Variants in FAM193A observed in about 807,000 individuals in gnomAD.
FAM193A encodes the protein family with sequence similarity 193 member A.
In FAM193A, 22 loss-of-function variants were observed where a neutral mutation model predicts 126.5. The ratio of observed to expected loss-of-function variants is 0.17; its 90% CI spans 0.12 to 0.25. FAM193A has a LOEUF of 0.25. Ranked by LOEUF, FAM193A falls within the 10% of genes least tolerant of loss-of-function variation. FAM193A has a pLI of 1.00. For missense variants in FAM193A, 1,675 were observed against 1,672.8 expected (o/e 1.00, Z -0.02); for synonymous variants, 761 against 646.8 (o/e 1.18, Z -2.68).
Position 2,672,367 on chromosome 4 carries a change from A to C in FAM193A, c.2326A>C (p.Ser776Arg). The change falls in exon 13 of 21, where the codon AGT becomes CGT. Residue 776 changes from serine to arginine, a missense_variant. Transcript: ENST00000637812. Reference protein sequence around the residue: ...TLYATPPFTHSKALPPAPVQN... With the variant: ...TLYATPPFTHRKALPPAPVQN... ...GTATGCAACGCCCCCCTTCACACAC[A>C]GTAAGGTAAGTCAGGGCAAAAAGGG... is the stretch of plus-strand genomic sequence containing the variant. The C allele has an allele frequency of 6.2e-7, 1 of 1,614,062 alleles. No homozygotes were observed. The highest frequency in any genetic ancestry group is 1.3e-5 in the African/African-American group (1 of 75,044).
intron 2 of FAM193A, among the ~76,000 whole-genome samples, chr4:2,597,575 C>T (rs1740937277): frequency 6.6e-6 from 1 of 152,140 alleles, no homozygotes; most frequent in Non-Finnish European, 1.5e-5. Context: ...TCTCATTTCC[C>T]AGCCCCCGGC....
intron 1 of FAM193A, among the ~76,000 whole-genome samples, chr4:2,562,369 T>G (rs1330401985): frequency 6.6e-6 from 1 of 152,100 alleles, no homozygotes; most frequent in East Asian, 1.9e-4. Context: ...GAAGGATCGC[T>G]TGAGCTTCGG....
intron 18 of FAM193A, among the ~76,000 whole-genome samples, chr4:2,699,353 A>C (rs1032313987): frequency 2.0e-5 from 3 of 148,564 alleles, no homozygotes; most frequent in African/African-American, 7.4e-5. Flanking sequence ...GACTCCCTGG[A>C]TGTGTGCTTT....
At chr4:2,671,165 C>G (rs551974211) in intron 12 of FAM193A, among the ~76,000 whole-genome samples, 3 of 152,332 alleles carry the variant, frequency 2.0e-5, no homozygotes, top group East Asian at 1.9e-4. Context: ...TCCTCCAGCC[C>G]GTGAGGTGTC....
intron 20 of FAM193A, among the ~76,000 whole-genome samples, chr4:2,728,238 A>T (rs1305782149): frequency 1.3e-4 from 11 of 82,066 alleles, no homozygotes; most frequent in Admixed American, 3.4e-4. Flanking sequence ...ACCCGGCCCA[A>T]TTTTTTTTTT....
intron 10 of FAM193A, among the ~76,000 whole-genome samples, chr4:2,661,683 C>T (rs1463360837): frequency 2.6e-5 from 4 of 152,166 alleles, no homozygotes; most frequent in African/African-American, 9.7e-5. Context: ...ACACTCTTCA[C>T]TCATTCTAGG....
intron 13 of FAM193A, among the ~76,000 whole-genome samples, 174 bp from the exon 14 acceptor site, chr4:2,689,332 A>G (rs879781813): frequency 6.6e-6 from 1 of 152,214 alleles, no homozygotes; most frequent in African/African-American, 2.4e-5. Flanking sequence ...TGTCGTGTAC[A>G]GTCTCATAAA....
upstream of FAM193A, among the ~76,000 whole-genome samples, chr4:2,535,869 C>A (rs1736846606): frequency 6.6e-6 from 1 of 152,126 alleles, no homozygotes. Context: ...TCTCGGGGAA[C>A]CGACCGGCGT....
intron 1 of FAM193A, among the ~76,000 whole-genome samples, chr4:2,585,054 T>G (rs1326235490): frequency 6.6e-6 from 1 of 152,214 alleles, no homozygotes; most frequent in African/African-American, 2.4e-5. Context: ...CAACAATATT[T>G]GAAAGATTTA....
intron 15 of FAM193A, 64 bp downstream of exon 15, chr4:2,691,034 T>C: frequency 6.9e-7 from 1 of 1,441,848 alleles, no homozygotes; most frequent in South Asian, 1.3e-5. Context: ...TGACTTCTCG[T>C]CTTTGTAACT....
chr4:2,560,580 A>C (rs2108838473), intron 1 of FAM193A, among the ~76,000 whole-genome samples: 1 of 152,218 alleles, frequency 6.6e-6, no homozygotes, highest in African/African-American at 2.4e-5. Context: ...GAAAGCATCT[A>C]TCCATTTTTC....
intron 13 of FAM193A, among the ~76,000 whole-genome samples, chr4:2,678,586 C>G (rs1206897098): frequency 6.6e-6 from 1 of 151,770 alleles, no homozygotes; most frequent in African/African-American, 2.4e-5. Flanking sequence ...TGGTCTCGAA[C>G]TCCTGACCTC....
At chr4:2,655,218 T>A (rs1284084193) in intron 7 of FAM193A, 1 of 530,972 alleles carries the variant, frequency 1.9e-6, no homozygotes, top group Non-Finnish European at 3.4e-6. Flanking sequence ...TATTTCTAGT[T>A]GATTTAGGCT....
chr4:2,700,398 A>G lies in FAM193A; in HGVS notation c.4226A>G (p.Glu1409Gly). The G allele has an allele frequency of 6.2e-7, 1 of 1,614,212 alleles. No homozygotes were observed. The highest frequency in any genetic ancestry group is 8.5e-7 in the Non-Finnish European group (1 of 1,180,048). ...AAGCAGCTGAACCACATCAAGGACG[A>G]AAAGTCAAACCCAACCCCTATGGAG... ...NKKQLNHIKD[E>G]KSNPTPMEPT... Residue 1409 changes from glutamate to glycine, a missense_variant, in exon 19 of 21, where the codon GAA becomes GGA. This residue lies in a region of FAM193A where 415 missense variants were observed against 396.7 expected (regional missense o/e 1.05). Coordinates refer to ENST00000637812, the MANE Select transcript of FAM193A (RefSeq NM_001366318.2).
At chr4:2,655,289 A>G (rs1711540004) in intron 7 of FAM193A, among the ~76,000 whole-genome samples, 1 of 152,182 alleles carries the variant, frequency 6.6e-6, no homozygotes, top group Non-Finnish European at 1.5e-5. Context: ...TCTTATATCA[A>G]TTTCTGTATG....
chr4:2,645,563 G>T (rs1216214324), intron 6 of FAM193A, among the ~76,000 whole-genome samples: 2 of 150,398 alleles, frequency 1.3e-5, no homozygotes, highest in East Asian at 3.9e-4. Context: ...GTTTCACCCT[G>T]TCTCCCAGGC....
intron 1 of FAM193A, among the ~76,000 whole-genome samples, chr4:2,586,907 C>T (rs989137021): frequency 3.3e-5 from 5 of 152,190 alleles, no homozygotes; most frequent in Non-Finnish European, 7.3e-5. Flanking sequence ...TTCACCCAAG[C>T]CTCCCAAAGT....
At chr4:2,657,761 AAAGTTT>A in intron 7 of FAM193A, 36 bp from the exon 8 acceptor site, 2 of 1,349,606 alleles carry the variant, frequency 1.5e-6, no homozygotes, top group Non-Finnish European at 2.1e-6. Flanking sequence ...CGCAGGTATT[AAAGTTT>A]TTCTTTTTTT....
chr4:2,559,719 A>G (rs765273689), intron 1 of FAM193A, among the ~76,000 whole-genome samples: 16 of 152,074 alleles, frequency 1.1e-4, no homozygotes, highest in Non-Finnish European at 2.1e-4. Context: ...GTACGTGAGC[A>G]CCAGGACGTC....
Sources: allele counts gnomAD v4.1 joint callset (sites outside exome capture counted in the v4.1 genomes callset), GRCh38; gene constraint gnomAD v4.1.1; regional missense constraint gnomAD v4.1.1; transcripts MANE v1.5; gene names NCBI Gene and HGNC (gene_info 2026-07-23, HGNC 2026-07-21).